CKAP2: variants seen among roughly 807,000 people sequenced by gnomAD.
CKAP2 encodes the protein cytoskeleton-associated protein 2.
In CKAP2, 46 loss-of-function variants were observed where a neutral mutation model predicts 58.4. The ratio of observed to expected loss-of-function variants is 0.79; its 90% CI spans 0.62 to 1.01. The LOEUF is 1.01. Ranked by LOEUF, CKAP2 falls within the 50% of genes least tolerant of loss-of-function variation. The probability of loss-of-function intolerance (pLI) is 0.00; values close to 1 mark genes in which losing one functional copy is unlikely to be tolerated. For synonymous variants in CKAP2, 293 were observed against 280.9 expected (o/e 1.04, Z -0.43); for missense variants, 809 against 796.4 (o/e 1.02, Z -0.19).
rs945914663 is a variant in CKAP2, at chr13:52,456,123, C to A, written c.71-400C>A. 1.7e-5 allele frequency: 17 copies of A among 1,022,212 alleles called. No individual in the cohort carries two copies. In the Admixed American group the frequency reaches 2.8e-4, roughly 17 times the overall value. The allele number at this position is 1,022,212 out of a possible 1,614,324, so 63.3% of individuals were successfully genotyped here. A position where few individuals can be genotyped will look rare whatever the true frequency, so the allele number is the denominator to read the frequency against. On this transcript the variant is annotated intron_variant, in intron 1 of 8. Transcript: ENST00000258607. ...GGTCTTCAAAACTAATATTGTTATT[C>A]CCTTATTCTACACACGGGAAAGCAG...
intron 6 of CKAP2, among the ~76,000 whole-genome samples, chr13:52,466,995 G>A (rs1018836475): frequency 1.3e-5 from 2 of 151,454 alleles, no homozygotes; most frequent in Non-Finnish European, 2.9e-5. Flanking sequence ...ACAGCTATAC[G>A]GGAAGCTGAA....
chr13:52,459,075 GGTGA>G (rs1958531087), intron 2 of CKAP2, among the ~76,000 whole-genome samples: 1 of 152,112 alleles, frequency 6.6e-6, no homozygotes, highest in African/African-American at 2.4e-5. Context: ...CCACTGGACA[GGTGA>G]GTAAGATGGG....
At position 52,455,637 on chromosome 13, in the gene CKAP2, CGGT is replaced by C. The variant is rs1958464251; in HGVS notation, c.70+14_70+16del. On this transcript the variant is annotated intron_variant, in intron 1 of 8. Coordinates refer to ENST00000258607, the MANE Select transcript of CKAP2 (RefSeq NM_018204.5). ...AGTCCGCATTCAAAGGTGAAGGCCG[CGGT>C]GGCGGTGGCGGTGGCGGTGGCGGTG... is the stretch of plus-strand genomic sequence containing the variant. 2.2e-5 allele frequency: 5 copies of C among 228,032 alleles called. No individual in the cohort carries two copies. Among genetic ancestry groups the C allele is most frequent in the Non-Finnish European group, 2.0e-5 (3 of 147,716 alleles). 14.1% of individuals were successfully genotyped at this position (228,032 alleles called of 1,614,324 possible). A position where few individuals can be genotyped will look rare whatever the true frequency, so the allele number is the denominator to read the frequency against.
Position 52,465,484 on chromosome 13 carries a change from G to C in CKAP2, c.1476+19G>C. 1 of 1,594,392 alleles carries C rather than the reference G, an allele frequency of 6.3e-7. No homozygotes were observed. The highest frequency in any genetic ancestry group is 1.1e-5 in the South Asian group (1 of 90,262). The stretch of plus-strand genomic sequence containing the variant: ...GGCTCAGGTAAGATAAAAATTTACT[G>C]ATCTTTACAATTACAGTGTAGTAGA... On this transcript the variant is annotated intron_variant, in intron 6 of 8. Coordinates refer to ENST00000258607, the MANE Select transcript of CKAP2 (RefSeq NM_018204.5).
intron 6 of CKAP2, among the ~76,000 whole-genome samples, chr13:52,467,487 A>G (rs1046720073): frequency 1.3e-5 from 2 of 152,082 alleles, no homozygotes; most frequent in Admixed American, 6.5e-5. Flanking sequence ...GAGGCCGGCA[A>G]ATCATGAGGT....
intron 6 of CKAP2, chr13:52,465,695 TATATTTAATGAAACTTTCTGC>T: frequency 1.6e-6 from 1 of 620,126 alleles, no homozygotes; most frequent in Non-Finnish European, 3.0e-6. Context: ...AGCTGAAATG[TATATTTAATGAAACTTTCTGC>T]ATGAAATGTT....
chr13:52,466,782 G>A (rs896256237), intron 6 of CKAP2, among the ~76,000 whole-genome samples: 15 of 152,090 alleles, frequency 9.9e-5, no homozygotes, highest in Non-Finnish European at 1.5e-5. Flanking sequence ...AGTCCAGCCT[G>A]GGCAACATAG....
chr13:52,471,109 G>T (rs574324241), intron 7 of CKAP2, among the ~76,000 whole-genome samples: 1 of 152,008 alleles, frequency 6.6e-6, no homozygotes, highest in South Asian at 2.1e-4. Context: ...AGTGAGCCAA[G>T]ATCGCACCAC....
intron 7 of CKAP2, among the ~76,000 whole-genome samples, chr13:52,468,830 A>G (rs1479260417): frequency 5.3e-5 from 8 of 152,232 alleles, no homozygotes; most frequent in African/African-American, 1.4e-4. Context: ...TAGTGCTGCA[A>G]TAAACATATG....
At chr13:52,458,118 A>G (rs562604220) in intron 2 of CKAP2, among the ~76,000 whole-genome samples, 2 of 152,218 alleles carry the variant, frequency 1.3e-5, no homozygotes, top group Non-Finnish European at 2.9e-5. Flanking sequence ...TCACAAATAA[A>G]TCTTTTATTT....
intron 5 of CKAP2, among the ~76,000 whole-genome samples, chr13:52,463,867 T>C (rs894360344): frequency 6.6e-6 from 1 of 152,218 alleles, no homozygotes; most frequent in African/African-American, 2.4e-5. Flanking sequence ...GCTCTAGTTC[T>C]TCAGTAAGCC....
intron 7 of CKAP2, among the ~76,000 whole-genome samples, chr13:52,472,799 C>A (rs1958777986): frequency 6.6e-6 from 1 of 152,238 alleles, no homozygotes; most frequent in South Asian, 2.1e-4. Context: ...ATAATCCCAA[C>A]ACCAGAAGTC....
chr13:52,461,796 A>G lies in CKAP2; in HGVS notation c.970A>G (p.Arg324Gly). 1 of 1,614,102 alleles carries G rather than the reference A, an allele frequency of 6.2e-7. No individual in the cohort carries two copies. The highest frequency in any genetic ancestry group is 8.5e-7 in the Non-Finnish European group (1 of 1,179,940). ...ATCCATAGCATCTGAAGTTATAGCCAGGCCTGCTTCATTGTCTAATGATAA... is the reference window on the plus strand; with the variant it reads ...ATCCATAGCATCTGAAGTTATAGCCGGGCCTGCTTCATTGTCTAATGATAA... Reference protein sequence around the residue: ...SRSIASEVIARPASLSNDKLM... With the variant: ...SRSIASEVIAGPASLSNDKLM... Residue 324 changes from arginine (R) to glycine (G), a missense_variant, in exon 4 of 9, where the codon AGG becomes GGG. Arg to Gly is a moderately radical substitution (Grantham distance 125). Around this residue, in one of 3 missense-constraint regions of CKAP2, gnomAD observed 523 missense variants for 492.4 expected, o/e 1.06. Coordinates refer to ENST00000258607, the MANE Select transcript of CKAP2 (RefSeq NM_018204.5).
intron 7 of CKAP2, among the ~76,000 whole-genome samples, chr13:52,469,703 T>C (rs1317914238): frequency 6.6e-6 from 1 of 150,388 alleles, no homozygotes; most frequent in Non-Finnish European, 1.5e-5. Flanking sequence ...TTCACGCCAT[T>C]CTCCTGCCTC....
At chr13:52,461,977 T>G (rs748899714) in intron 4 of CKAP2, 51 bp downstream of exon 4, 20 of 1,440,394 alleles carry the variant, frequency 1.4e-5, no homozygotes, top group Non-Finnish European at 1.8e-5. Context: ...AAAGTACTGT[T>G]TGTAGATTTG....
At position 52,475,299 on chromosome 13, in the gene CKAP2, C is replaced by A. The variant is rs576609909; in HGVS notation, c.*158C>A. 1.4e-4 allele frequency: 123 copies of A among 886,106 alleles called. 1 individual carries two copies. The African/African-American group carries it at 1.9e-3, about 14-fold the overall frequency. The allele number at this position is 886,106 out of a possible 1,614,324, so 54.9% of individuals were successfully genotyped here. A position where few individuals can be genotyped will look rare whatever the true frequency, so the allele number is the denominator to read the frequency against. On this transcript the variant is annotated 3_prime_UTR_variant, in exon 9 of 9. Coordinates refer to ENST00000258607, the MANE Select transcript of CKAP2 (RefSeq NM_018204.5). Reference sequence around the variant, plus strand: ...TCCTTTACTAACATTCATGTTATGGCAAGAGTTGTCCTCTACATTGGAAAG... The same window carrying A: ...TCCTTTACTAACATTCATGTTATGGAAAGAGTTGTCCTCTACATTGGAAAG...
intron 2 of CKAP2, among the ~76,000 whole-genome samples, chr13:52,460,284 T>C (rs1958549160): frequency 6.6e-6 from 1 of 152,214 alleles, no homozygotes; most frequent in African/African-American, 2.4e-5. Flanking sequence ...TACTAAGTAC[T>C]TAAAACTAAC....
At chr13:52,469,597 A>AT (rs1287024424) in intron 7 of CKAP2, among the ~76,000 whole-genome samples, 2,887 of 136,874 alleles carry the variant, frequency 0.021, 122 homozygotes, top group African/African-American at 0.077. Context: ...TTATTTATTT[A>AT]TTTTTTTTTT....
chr13:52,461,773 C>G lies in CKAP2; in HGVS notation c.947C>G (p.Ser316Cys), dbSNP rs781259021. 6.2e-7 allele frequency: 1 copy of G among 1,613,976 alleles called. No homozygotes were observed. Among genetic ancestry groups the G allele is most frequent in the Admixed American group, 1.7e-5 (1 of 60,014 alleles). The stretch of plus-strand genomic sequence containing the variant: ...ATAAGAAATAAGACTCTATCAAGAT[C>G]CATAGCATCTGAAGTTATAGCCAGG... ...GIIRNKTLSR[S>C]IASEVIARPA... Residue 316 changes from serine to cysteine, a missense_variant, in exon 4 of 9, where the codon TCC becomes TGC. Transcript: ENST00000258607.
Sources: gnomAD v4.1 joint callset for allele counts (sites outside exome capture counted in the v4.1 genomes callset) on GRCh38, gnomAD v4.1.1 for gene constraint, gnomAD v4.1.1 regional missense constraint, MANE v1.5 for transcripts, NCBI Gene and HGNC (gene_info 2026-07-23, HGNC 2026-07-21) for gene names.